The following WDPCP variants were observed in gnomAD, a reference collection of about 807,000 sequenced individuals.
WDPCP encodes the protein WD repeat-containing and planar cell polarity effector protein fritz homolog.
In WDPCP, 71 loss-of-function variants were observed where a neutral mutation model predicts 93.1. That is an observed-to-expected ratio of 0.76 (90% CI 0.63 to 0.93). The LOEUF is 0.93. Among genes scored for constraint, WDPCP ranks in the 40% least tolerant of loss-of-function variants. WDPCP has a pLI of 0.00. For synonymous variants in WDPCP, 315 were observed against 315.0 expected (o/e 1.00, Z 0.00); for missense variants, 844 against 887.4 (o/e 0.95, Z 0.62).
At chr2:63,311,520 A>G (rs1686188955) in intron 13 of WDPCP, among the ~76,000 whole-genome samples, 1 of 152,206 alleles carries the variant, frequency 6.6e-6, no homozygotes, top group Non-Finnish European at 1.5e-5. Context: ...TATGAAGAGT[A>G]ACAATGCAGC....
At chr2:63,281,506 A>G (rs573936920) in intron 13 of WDPCP, among the ~76,000 whole-genome samples, 16 of 152,350 alleles carry the variant, frequency 1.1e-4, no homozygotes, top group Middle Eastern at 3.4e-3. Flanking sequence ...AGAAGTCATT[A>G]TACAAAAAAG....
At chr2:63,610,767 T>C (rs1709605774) in intron 3 of WDPCP, among the ~76,000 whole-genome samples, 1 of 152,200 alleles carries the variant, frequency 6.6e-6, no homozygotes, top group African/African-American at 2.4e-5. Context: ...CTGCACTCTG[T>C]GTTTTTCCTT....
At chr2:63,417,899 A>G (rs4671506) in intron 9 of WDPCP, among the ~76,000 whole-genome samples, 74,811 of 151,384 alleles carry the variant, frequency 0.49, 19,454 homozygotes, top group African/African-American at 0.66. Context: ...ATGGGCTCAG[A>G]TAAAATATGG....
chr2:63,593,320 C>G (rs1709238151), upstream of WDPCP: 1 of 275,412 alleles, frequency 3.6e-6, no homozygotes, highest in Non-Finnish European at 7.4e-6. Flanking sequence ...TCTCAAACTC[C>G]CAACCTCAGG....
At chr2:63,218,993 C>CA (rs1224920966) in intron 14 of WDPCP, among the ~76,000 whole-genome samples, 2 of 152,210 alleles carry the variant, frequency 1.3e-5, no homozygotes, top group African/African-American at 4.8e-5. Context: ...TCTTTGTCCT[C>CA]AACCTGAAAT....
At chr2:63,574,410 G>A (rs935721776) in intron 1 of WDPCP, among the ~76,000 whole-genome samples, 1 of 152,122 alleles carries the variant, frequency 6.6e-6, no homozygotes, top group Non-Finnish European at 1.5e-5. Flanking sequence ...AATTTCCCCC[G>A]ATAGCAACTG....
intron 1 of WDPCP, among the ~76,000 whole-genome samples, chr2:63,494,607 A>T (rs1373139705): frequency 6.6e-6 from 1 of 152,066 alleles, no homozygotes; most frequent in Non-Finnish European, 1.5e-5. Flanking sequence ...GGGAGTATAT[A>T]CAGATGTTTG....
chr2:63,838,939 TA>T, the WDPCP span, among the ~76,000 whole-genome samples: 1 of 152,204 alleles, frequency 6.6e-6, no homozygotes, highest in Non-Finnish European at 1.5e-5. Flanking sequence ...TACCGATGTA[TA>T]AAGAAATTTC....
chr2:63,306,252 C>T lies in WDPCP; in HGVS notation c.1812+6996G>A, dbSNP rs182246636. On this transcript the variant is annotated intron_variant, in intron 13 of 17. Transcript: ENST00000272321. ...CTGAAATTGAGGCAGTAATTAATAG[C>T]CTACCAACCAAAAAAAGCCCAGGAC... is the stretch of plus-strand genomic sequence containing the variant. 3.3e-5 allele frequency among the ~76,000 whole-genome samples: 5 copies of T among 152,262 alleles called. No individual in the cohort carries two copies. The East Asian group carries it at 9.6e-4, about 29-fold the overall frequency.
intron 6 of WDPCP, among the ~76,000 whole-genome samples, chr2:63,457,672 TACATC>T (rs1298009746): frequency 1.3e-5 from 2 of 152,246 alleles, no homozygotes; most frequent in African/African-American, 4.8e-5. Flanking sequence ...ATAAACATGA[TACATC>T]ACATCAACAG....
intron 2 of WDPCP, among the ~76,000 whole-genome samples, chr2:63,748,250 C>CT (rs1433985392): frequency 6.6e-6 from 1 of 151,504 alleles, no homozygotes; most frequent in Non-Finnish European, 1.5e-5. Flanking sequence ...TGTTTTCTTG[C>CT]TTTTCTTCAG....
intron 17 of WDPCP, among the ~76,000 whole-genome samples, chr2:63,131,143 AAT>A (rs1670268588): frequency 6.6e-6 from 1 of 152,186 alleles, no homozygotes. Context: ...CCATTCAGTC[AAT>A]ATGTCTTTTG....
chr2:63,411,245 C>A (rs544123592), intron 9 of WDPCP, among the ~76,000 whole-genome samples: 1 of 152,224 alleles, frequency 6.6e-6, no homozygotes, highest in South Asian at 2.1e-4. Flanking sequence ...CAAAACCTTG[C>A]AAATACATGG....
intron 13 of WDPCP, among the ~76,000 whole-genome samples, chr2:63,301,156 A>G (rs1015682896): frequency 9.9e-5 from 15 of 152,194 alleles, no homozygotes; most frequent in African/African-American, 3.4e-4. Context: ...TAGCCTCTCA[A>G]TTATCTTCCC....
chr2:63,797,191 A>G (rs1412102647), intron 2 of WDPCP, among the ~76,000 whole-genome samples: 1 of 152,124 alleles, frequency 6.6e-6, no homozygotes, highest in Non-Finnish European at 1.5e-5. Flanking sequence ...CTACCTAGGG[A>G]GTACTTGCCA....
At chr2:63,589,384 G>A (rs758577554), upstream of WDPCP, 11 of 1,550,518 alleles carry the variant, frequency 7.1e-6, no homozygotes, top group South Asian at 1.3e-4. Flanking sequence ...AGGACGATAA[G>A]GTTTGCGATG....
intron 1 of WDPCP, among the ~76,000 whole-genome samples, chr2:63,560,647 C>A (rs543200710): frequency 6.6e-6 from 1 of 152,314 alleles, no homozygotes; most frequent in South Asian, 2.1e-4. Flanking sequence ...GAATACTATG[C>A]AGCCATACAA....
chr2:63,258,989 T>C (rs1681376854), intron 14 of WDPCP, among the ~76,000 whole-genome samples: 1 of 152,200 alleles, frequency 6.6e-6, no homozygotes, highest in Non-Finnish European at 1.5e-5. Context: ...TATAAATTTC[T>C]GTGTTGGTTA....
chr2:63,529,264 G>A (rs954057801), intron 1 of WDPCP, among the ~76,000 whole-genome samples: 1 of 152,158 alleles, frequency 6.6e-6, no homozygotes, highest in Non-Finnish European at 1.5e-5. Context: ...GAATAGGAGT[G>A]GTGAGAGAGG....
Sources: allele counts gnomAD v4.1 joint callset (sites outside exome capture counted in the v4.1 genomes callset), GRCh38; gene constraint gnomAD v4.1.1; transcripts MANE v1.5; gene names NCBI Gene and HGNC (gene_info 2026-07-23, HGNC 2026-07-21).